RIT2: variants seen among roughly 807,000 people sequenced by gnomAD.
The protein encoded by RIT2 is GTP-binding protein Rit2.
RIT2 carries 24 observed loss-of-function variants against 23.7 expected under a neutral mutation model. The observed-to-expected ratio is 1.01, with a 90% confidence interval of 0.73 to 1.43. The LOEUF is 1.43. RIT2 is among the 40% of genes most tolerant of loss of function. RIT2 has a pLI of 0.00. For synonymous variants in RIT2, 107 were observed against 91.1 expected, an observed-to-expected ratio of 1.17 and a Z score of -0.99; for missense variants, 236 against 266.9, an observed-to-expected ratio of 0.88 and a Z score of 0.81.
At chr18:43,090,987 G>GTATGACAAGTTTACCTA in intron 1 of RIT2, among the ~76,000 whole-genome samples, 1 of 151,780 alleles carries the variant, frequency 6.6e-6, no homozygotes, top group Non-Finnish European at 1.5e-5. Flanking sequence ...AAGTTTATCT[G>GTATGACAAGTTTACCTA]TATGACAAGT....
chr18:42,939,761 C>T (rs781249729), intron 3 of RIT2, among the ~76,000 whole-genome samples: 2 of 152,028 alleles, frequency 1.3e-5, no homozygotes, highest in Non-Finnish European at 2.9e-5. Context: ...AGAGGTCTCC[C>T]TTCCAACATT....
At chr18:43,027,410 C>A (rs986191445) in intron 2 of RIT2, among the ~76,000 whole-genome samples, 4 of 151,948 alleles carry the variant, frequency 2.6e-5, no homozygotes, top group Non-Finnish European at 4.4e-5. Context: ...TTGTTTTGAG[C>A]AAGATTTTTG....
intron 4 of RIT2, among the ~76,000 whole-genome samples, chr18:42,795,273 C>G (rs1412671235): frequency 6.6e-6 from 1 of 152,220 alleles, no homozygotes; most frequent in African/African-American, 2.4e-5. Context: ...GGAACCGGGG[C>G]TGCGTGCAGT....
chr18:42,919,064 C>T (rs481980), intron 4 of RIT2, among the ~76,000 whole-genome samples: 132,839 of 152,066 alleles, frequency 0.87, 58,428 homozygotes, highest in East Asian at 0.99. Context: ...CTGAGAAGAA[C>T]AGAAAGTTCT....
At chr18:43,066,891 G>A (rs1238152399) in intron 1 of RIT2, among the ~76,000 whole-genome samples, 1 of 150,874 alleles carries the variant, frequency 6.6e-6, no homozygotes, top group Non-Finnish European at 1.5e-5. Context: ...GGTTGCTTAG[G>A]AATAAGACTG....
intron 2 of RIT2, among the ~76,000 whole-genome samples, chr18:43,017,353 G>A (rs1246912721): frequency 6.7e-6 from 1 of 149,928 alleles, no homozygotes; most frequent in Non-Finnish European, 1.5e-5. Flanking sequence ...GGCTTATTAG[G>A]AGTCAATAAA....
intron 1 of RIT2, among the ~76,000 whole-genome samples, chr18:43,054,037 G>C (rs536128010): frequency 6.6e-6 from 1 of 152,130 alleles, no homozygotes; most frequent in Non-Finnish European, 1.5e-5. Context: ...GGCAGGATTT[G>C]GACACATTGG....
intron 1 of RIT2, among the ~76,000 whole-genome samples, chr18:43,095,658 T>C (rs1042706208): frequency 3.3e-5 from 5 of 151,946 alleles, no homozygotes; most frequent in Non-Finnish European, 7.4e-5. Context: ...TAAAGACAAA[T>C]GGCATAGGAT....
intron 4 of RIT2, among the ~76,000 whole-genome samples, chr18:42,794,407 T>C (rs72903066): frequency 0.01 from 1,548 of 152,310 alleles, 12 homozygotes; most frequent in Non-Finnish European, 0.016. Flanking sequence ...TGATATCATA[T>C]TGAAAGGTAT....
At chr18:42,762,534 T>C (rs1278301724) in intron 4 of RIT2, among the ~76,000 whole-genome samples, 1 of 152,342 alleles carries the variant, frequency 6.6e-6, no homozygotes, top group Admixed American at 6.5e-5. Context: ...TTTTTTAAAC[T>C]ATGCTTGATA....
At chr18:43,083,003 C>T (rs1000825298) in intron 1 of RIT2, among the ~76,000 whole-genome samples, 1 of 152,056 alleles carries the variant, frequency 6.6e-6, no homozygotes, top group African/African-American at 2.4e-5. Flanking sequence ...CCCAAAACCT[C>T]CTTAAGCTGA....
chr18:42,806,895 A>G (rs1000143059), intron 4 of RIT2, among the ~76,000 whole-genome samples: 3 of 152,226 alleles, frequency 2.0e-5, no homozygotes, highest in Admixed American at 2.0e-4. Flanking sequence ...TCAGGAGAGT[A>G]AATTATAAAC....
chr18:42,809,938 AAT>A (rs1905794024), intron 4 of RIT2, among the ~76,000 whole-genome samples: 2 of 143,110 alleles, frequency 1.4e-5, no homozygotes, highest in South Asian at 4.2e-4. Flanking sequence ...GTTATATATT[AAT>A]ATATGATATA....
chr18:42,777,736 C>CA (rs2143926489), intron 4 of RIT2, among the ~76,000 whole-genome samples: 1 of 152,054 alleles, frequency 6.6e-6, no homozygotes, highest in East Asian at 1.9e-4. Context: ...CTACTGTTAC[C>CA]AAAAATTGAA....
chr18:43,062,388 A>G (rs1414229259), intron 1 of RIT2, among the ~76,000 whole-genome samples: 1 of 152,160 alleles, frequency 6.6e-6, no homozygotes, highest in African/African-American at 2.4e-5. Context: ...CTCCTCCTCT[A>G]TACATTCTAC....
intron 3 of RIT2, among the ~76,000 whole-genome samples, chr18:42,931,772 T>C (rs1909332208): frequency 6.6e-6 from 1 of 152,174 alleles, no homozygotes; most frequent in Non-Finnish European, 1.5e-5. Flanking sequence ...GGATTTCATC[T>C]ACTGCAGTTT....
chr18:42,934,730 T>C (rs1909410032), intron 3 of RIT2, among the ~76,000 whole-genome samples: 1 of 152,210 alleles, frequency 6.6e-6, no homozygotes, highest in South Asian at 2.1e-4. Flanking sequence ...TATTTTAAAA[T>C]GTATTTTGGT....
At chr18:43,021,142 A>AT (rs1911588188) in intron 2 of RIT2, among the ~76,000 whole-genome samples, 1 of 152,114 alleles carries the variant, frequency 6.6e-6, no homozygotes, top group African/African-American at 2.4e-5. Flanking sequence ...CAGAATATAT[A>AT]ATGAACTCAA....
intron 2 of RIT2, among the ~76,000 whole-genome samples, chr18:42,994,750 T>G (rs1910938635): frequency 6.6e-6 from 1 of 152,192 alleles, no homozygotes; most frequent in African/African-American, 2.4e-5. Context: ...CGGCTGCTGC[T>G]GCCCTAATAC....
Sources: allele counts gnomAD v4.1 joint callset (sites outside exome capture counted in the v4.1 genomes callset), GRCh38; gene constraint gnomAD v4.1.1; transcripts MANE v1.5; gene names NCBI Gene and HGNC (gene_info 2026-07-23, HGNC 2026-07-21).